The following HPSE2 variants were observed in gnomAD, a reference collection of about 807,000 sequenced individuals.
HPSE2 encodes inactive heparanase-2.
A neutral mutation model predicts 60.5 loss-of-function variants in HPSE2; 38 were observed. That is an observed-to-expected ratio of 0.63 (90% CI 0.48 to 0.82). The LOEUF (loss-of-function observed/expected upper bound fraction) is 0.82. Among genes scored for constraint, HPSE2 ranks in the 40% least tolerant of loss-of-function variants. The pLI is 0.00. For synonymous variants in HPSE2, 295 were observed against 293.2 expected (o/e 1.01, Z -0.06); for missense variants, 713 against 740.4 (o/e 0.96, Z 0.43).
chr10:98,945,660 A>T (rs909904211), intron 3 of HPSE2, among the ~76,000 whole-genome samples: 1 of 152,178 alleles, frequency 6.6e-6, no homozygotes, highest in African/African-American at 2.4e-5. Context: ...GGATGCGAAG[A>T]GGCTTAGAAG....
rs1214450704 is a variant in HPSE2 at position 98,936,978 on chromosome 10, CAAAAAAAAAA to C, written c.611-192932_611-192923del. Among the ~76,000 whole-genome samples the C allele has an allele frequency of 2.6e-3, 82 of 31,018 alleles. 7 individuals carry two copies. The highest frequency in any genetic ancestry group is 8.5e-3 in the African/African-American group (72 of 8,436). 20.3% of individuals were successfully genotyped at this position (31,018 alleles called of 152,430 possible). ...TGGGCGACAGTAGGAGACTCCATCT[CAAAAAAAAAA>C]AAAAAAAAAAAAAAAAACAAGTTTT... On this transcript the variant is annotated intron_variant, in intron 3 of 11. Transcript: ENST00000370552.
chr10:98,862,862 G>A (rs969717096), intron 3 of HPSE2, among the ~76,000 whole-genome samples: 2 of 152,174 alleles, frequency 1.3e-5, no homozygotes, highest in East Asian at 3.9e-4. Flanking sequence ...TCCGGCTCAA[G>A]CAATCCTCCT....
chr10:98,766,093 T>C (rs1391422859), intron 3 of HPSE2, among the ~76,000 whole-genome samples: 2 of 151,948 alleles, frequency 1.3e-5, no homozygotes, highest in African/African-American at 4.8e-5. Flanking sequence ...AGGGAAGAGA[T>C]GAATCAATAT....
chr10:99,090,057 T>C (rs1172206798), intron 3 of HPSE2, among the ~76,000 whole-genome samples: 1 of 152,146 alleles, frequency 6.6e-6, no homozygotes, highest in Non-Finnish European at 1.5e-5. Context: ...CATTTACCAG[T>C]CTAGGAGCTT....
Position 99,126,341 on chromosome 10 carries a change from C to T in HPSE2, c.610+17897G>A, listed in dbSNP as rs1266989174. Among the ~76,000 whole-genome samples the T allele has an allele frequency of 6.6e-6, 1 of 152,022 alleles. No individual in the cohort carries two copies. The highest frequency in any genetic ancestry group is 1.9e-4 in the East Asian group (1 of 5,176). On this transcript the variant is annotated intron_variant, in intron 3 of 11. Transcript: ENST00000370552. This position sits in a 1 kb window ranked among gnomAD's most constrained non-coding sequence, Gnocchi z 4.0. The stretch of plus-strand genomic sequence containing the variant: ...CTGAGCCCAGACTCACCTAACCCTG[C>T]CCCAACCTGATGGTATTTCACTACC...
At chr10:98,852,871 A>C (rs1308105023) in intron 3 of HPSE2, among the ~76,000 whole-genome samples, 1 of 152,212 alleles carries the variant, frequency 6.6e-6, no homozygotes, top group African/African-American at 2.4e-5. Flanking sequence ...ATGAGCTCTT[A>C]TATACACCTG....
chr10:99,196,455 G>A (rs567339813), intron 2 of HPSE2, among the ~76,000 whole-genome samples: 5 of 152,064 alleles, frequency 3.3e-5, no homozygotes, highest in South Asian at 2.1e-4. Context: ...TACAAACTAC[G>A]CATCTGACAA....
chr10:98,741,455 G>A (rs914897943), intron 4 of HPSE2, among the ~76,000 whole-genome samples: 5 of 152,042 alleles, frequency 3.3e-5, no homozygotes, highest in Non-Finnish European at 2.9e-5. Flanking sequence ...GAAGGAAGGA[G>A]GTTGATGGGG....
At position 98,529,034 on chromosome 10, in the gene HPSE2, G is replaced by A. The variant is rs191168198; in HGVS notation, c.1321-38838C>T. On this transcript the variant is annotated intron_variant, in intron 9 of 11. Coordinates refer to ENST00000370552, the MANE Select transcript of HPSE2 (RefSeq NM_021828.5). ...AATCATGATGTTTTTGGGTTCATTC[G>A]GGGCAGGGTCACCCTCCATTTTCAA... 1.8e-3 allele frequency among the ~76,000 whole-genome samples: 280 copies of A among 152,282 alleles called. 1 individual carries two copies. The highest frequency in any genetic ancestry group is 2.1e-3 in the Non-Finnish European group (141 of 68,016).
intron 9 of HPSE2, among the ~76,000 whole-genome samples, chr10:98,540,125 T>C (rs189654512): frequency 4.6e-5 from 7 of 152,352 alleles, no homozygotes; most frequent in Non-Finnish European, 5.9e-5. Flanking sequence ...CTTTTGTTCA[T>C]TGTGCTTCCT....
At chr10:99,049,715 ATAAT>A (rs981566309) in intron 3 of HPSE2, among the ~76,000 whole-genome samples, 8 of 152,164 alleles carry the variant, frequency 5.3e-5, no homozygotes, top group Admixed American at 2.6e-4. Context: ...TACCAGATAA[ATAAT>A]TATTAACAAA....
intron 3 of HPSE2, among the ~76,000 whole-genome samples, chr10:99,009,545 G>A (rs924556948): frequency 2.0e-5 from 3 of 152,206 alleles, no homozygotes; most frequent in South Asian, 2.1e-4. Flanking sequence ...TGATTCAACA[G>A]TGGACCAGAG....
intron 3 of HPSE2, among the ~76,000 whole-genome samples, chr10:99,087,859 G>A (rs1203444478): frequency 1.3e-5 from 2 of 152,064 alleles, no homozygotes; most frequent in African/African-American, 2.4e-5. Flanking sequence ...CTGAAGAGTT[G>A]AAATTATGAC....
Position 99,115,219 on chromosome 10 carries a change from C to T in HPSE2, c.610+29019G>A, listed in dbSNP as rs1262531341. Among the ~76,000 whole-genome samples, 4 of 149,524 alleles carry T rather than the reference C, an allele frequency of 2.7e-5. No homozygotes were observed. In the East Asian group the frequency reaches 8.2e-4, roughly 31 times the overall value. ...CCAGGCTGGAGTGCAGTGGCGCCAT[C>T]TCGGCTCACTGCAAGCTCTTGCTTC... On this transcript the variant is annotated intron_variant, in intron 3 of 11. Transcript: ENST00000370552.
Position 98,570,155 on chromosome 10 carries a change from T to G in HPSE2, c.1320+44749A>C, listed in dbSNP as rs149036636. Among the ~76,000 whole-genome samples, 683 of 152,302 alleles carry G rather than the reference T, an allele frequency of 4.5e-3. 7 individuals are homozygous for G. Among genetic ancestry groups the G allele is most frequent in the African/African-American group, 0.015 (643 of 41,566 alleles). On this transcript the variant is annotated intron_variant, in intron 9 of 11. Coordinates refer to ENST00000370552, the MANE Select transcript of HPSE2 (RefSeq NM_021828.5). ...TCCTAGCCCCAAGCTGCTCCTTCCT[T>G]GCCCCTCACCTCTTTCCAAGGCCAG...
chr10:98,713,280 T>C (rs1948716979), intron 5 of HPSE2, among the ~76,000 whole-genome samples: 1 of 152,020 alleles, frequency 6.6e-6, no homozygotes, highest in African/African-American at 2.4e-5. Flanking sequence ...GAAAAGTCAT[T>C]AAAGCATCTT....
At chr10:99,221,744 G>C (rs1849320583) in intron 2 of HPSE2, among the ~76,000 whole-genome samples, 1 of 152,142 alleles carries the variant, frequency 6.6e-6, no homozygotes, top group African/African-American at 2.4e-5. Flanking sequence ...GGTAGAAGTA[G>C]AGTAACAAGC....
chr10:98,980,743 C>T (rs149128188), intron 3 of HPSE2, among the ~76,000 whole-genome samples: 197 of 152,214 alleles, frequency 1.3e-3, no homozygotes, highest in African/African-American at 4.4e-3. Context: ...GAAGTATGGA[C>T]GCTTTCTCAG....
intron 7 of HPSE2, among the ~76,000 whole-genome samples, chr10:98,641,078 T>A (rs1325290998): frequency 6.6e-6 from 1 of 152,172 alleles, no homozygotes; most frequent in East Asian, 1.9e-4. Flanking sequence ...AAAATTAAGA[T>A]CTTACTTGGC....
Sources: allele counts gnomAD v4.1 joint callset (sites outside exome capture counted in the v4.1 genomes callset), GRCh38; gene constraint gnomAD v4.1.1; non-coding constraint Gnocchi (gnomAD v3.1); transcripts MANE v1.5; gene names NCBI Gene and HGNC (gene_info 2026-07-23, HGNC 2026-07-21).